The following USP45 variants were observed in gnomAD, a reference collection of about 807,000 sequenced individuals.
USP45 encodes the protein ubiquitin carboxyl-terminal hydrolase 45.
In USP45, 89 loss-of-function variants were observed where a neutral mutation model predicts 95.8. That is an observed-to-expected ratio of 0.93 (90% CI 0.78 to 1.11). The LOEUF (loss-of-function observed/expected upper bound fraction) is 1.11, where lower values mean the gene tolerates loss of function less well. Ranked by LOEUF, USP45 falls within the 50% of genes least tolerant of loss-of-function variation. USP45 has a pLI of 0.00. For synonymous variants in USP45, 281 were observed against 316.2 expected, an observed-to-expected ratio of 0.89 and a Z score of 1.18; for missense variants, 898 against 942.5, an observed-to-expected ratio of 0.95 and a Z score of 0.62.
intron 13 of USP45, among the ~76,000 whole-genome samples, chr6:99,450,024 T>C (rs895399170): frequency 6.6e-6 from 1 of 152,150 alleles, no homozygotes; most frequent in African/African-American, 2.4e-5. Flanking sequence ...GGGACACATT[T>C]AAAGCAGTGT....
At chr6:99,502,622 C>T (rs1309381726) in intron 5 of USP45, among the ~76,000 whole-genome samples, 1 of 152,200 alleles carries the variant, frequency 6.6e-6, no homozygotes, top group Admixed American at 6.5e-5. Flanking sequence ...GTGTCAAGTA[C>T]TGATATGGTT....
intron 1 of USP45, among the ~76,000 whole-genome samples, chr6:99,513,767 A>T (rs760413425): frequency 1.3e-5 from 2 of 152,268 alleles, no homozygotes; most frequent in Non-Finnish European, 2.9e-5. Flanking sequence ...CATTTGGTAC[A>T]GTAACCCAGA....
At chr6:99,516,139 T>A (rs1207148929), upstream of USP45, among the ~76,000 whole-genome samples, 1 of 152,078 alleles carries the variant, frequency 6.6e-6, no homozygotes, top group Non-Finnish European at 1.5e-5. Context: ...CGTCATATAT[T>A]ATTGTGGTTT....
At chr6:99,447,742 GCCT>G (rs1423816378) in intron 13 of USP45, among the ~76,000 whole-genome samples, 5 of 152,286 alleles carry the variant, frequency 3.3e-5, no homozygotes, top group Admixed American at 3.3e-4. Flanking sequence ...CGGACAGACT[GCCT>G]CCTCAAGTGG....
At chr6:99,452,016 T>C (rs1454224088) in intron 13 of USP45, among the ~76,000 whole-genome samples, 5 of 152,142 alleles carry the variant, frequency 3.3e-5, no homozygotes, top group Admixed American at 6.6e-5. Flanking sequence ...TTACACCTTA[T>C]ACAAAAATTA....
At position 99,441,236 on chromosome 6, in the gene USP45, T is replaced by C. The variant is rs563336379; in HGVS notation, c.2074-1381A>G. The stretch of plus-strand genomic sequence containing the variant: ...TAGCTTTGTTCAAAAATTGTTTTGT[T>C]TAAAACATTACTCGGCCGGGCACGG... On this transcript the variant is annotated intron_variant, in intron 15 of 17. Coordinates refer to ENST00000500704, the MANE Select transcript of USP45 (RefSeq NM_001346022.3). 6.6e-5 allele frequency among the ~76,000 whole-genome samples: 10 copies of C among 152,218 alleles called. No individual in the cohort carries two copies. The South Asian group carries it at 2.1e-3, about 32-fold the overall frequency.
In USP45 at chr6:99,446,317, G is replaced by C; in HGVS notation, c.1455C>G (p.Ser485Arg). Reference sequence around the variant, plus strand: ...CTTCTTTTTCACTGTCATCAGTAGGGCTTTCATTCAGACGTGACTCAGAAT... The same window carrying C: ...CTTCTTTTTCACTGTCATCAGTAGGCCTTTCATTCAGACGTGACTCAGAAT... ...LMNSESRLNE[S>R]PTDDSEKEAS... Residue 485 changes from serine to arginine, a missense_variant, in exon 14 of 18, where the codon AGC (serine) becomes AGG (arginine). Coordinates refer to ENST00000500704, the MANE Select transcript of USP45 (RefSeq NM_001346022.3). 1 of 1,614,204 alleles carries C rather than the reference G, an allele frequency of 6.2e-7. No individual in the cohort carries two copies. Among genetic ancestry groups the C allele is most frequent in the Non-Finnish European group, 8.5e-7 (1 of 1,180,042 alleles).
intron 15 of USP45, 55 bp downstream of exon 15, chr6:99,443,510 C>A: frequency 7.9e-7 from 1 of 1,258,968 alleles, no homozygotes; most frequent in Admixed American, 1.9e-5. Flanking sequence ...TTCTATAGGA[C>A]TTAATGCTCT....
At chr6:99,506,205 A>C (rs954777096) in intron 4 of USP45, among the ~76,000 whole-genome samples, 2 of 152,246 alleles carry the variant, frequency 1.3e-5, no homozygotes, top group Non-Finnish European at 2.9e-5. Context: ...AGGAACCCTT[A>C]GGAGTCCATA....
chr6:99,468,706 A>G, intron 9 of USP45, 88 bp from the exon 10 acceptor site: 1 of 796,022 alleles, frequency 1.3e-6, no homozygotes, highest in South Asian at 2.1e-5. Context: ...ACAGCAAGGT[A>G]CACTGTGGAT....
intron 7 of USP45, among the ~76,000 whole-genome samples, chr6:99,485,294 G>A (rs1793610292): frequency 6.6e-6 from 1 of 152,052 alleles, no homozygotes; most frequent in East Asian, 1.9e-4. Context: ...GCAGTGAGCC[G>A]AGATCGTGCC....
At chr6:99,508,436 A>G (rs142704002) in intron 3 of USP45, among the ~76,000 whole-genome samples, 174 bp downstream of exon 3, 5 of 152,336 alleles carry the variant, frequency 3.3e-5, no homozygotes, top group African/African-American at 7.2e-5. Context: ...TTCTGAACAT[A>G]GCATACCTTT....
chr6:99,482,814 T>C lies in USP45; in HGVS notation c.784A>G (p.Met262Val), dbSNP rs181065911. Residue 262 changes from methionine to valine, a missense_variant, in exon 8 of 18, where the codon ATG becomes GTG. Physicochemically the swap from Met to Val is conservative, Grantham distance 21 (BLOSUM62 1). Transcript: ENST00000500704. ...AGTGGTCCTTTTTCAGTCTCCTTCATGCTGTGAAGAAACAGGAACAAGGCT... is the reference window on the plus strand; with the variant it reads ...AGTGGTCCTTTTTCAGTCTCCTTCACGCTGTGAAGAAACAGGAACAAGGCT... ...TSALFLFLHS[M>V]KETEKGPLSP... The C allele has an allele frequency of 1.9e-6, 3 of 1,607,390 alleles. No individual in the cohort carries two copies. Among genetic ancestry groups the C allele is most frequent in the African/African-American group, 2.7e-5 (2 of 74,944 alleles).
Position 99,446,330 on chromosome 6 carries a change from C to A in USP45, c.1442G>T (p.Arg481Leu). ...GTCATCAGTAGGGCTTTCATTCAGA[C>A]GTGACTCAGAATTCATGAGGCTGGC... ...MFASLMNSES[R>L]LNESPTDDSE... The change falls in exon 14 of 18, where the codon CGT (arginine) becomes CTT (leucine). Residue 481 changes from arginine (R) to leucine (L), a missense_variant. Arg to Leu is a moderately radical substitution (Grantham distance 102). Coordinates refer to ENST00000500704, the MANE Select transcript of USP45 (RefSeq NM_001346022.3). The A allele has an allele frequency of 2.5e-6, 4 of 1,614,168 alleles. No individual in the cohort carries two copies. The South Asian group carries it at 3.3e-5, about 13-fold the overall frequency.
intron 15 of USP45, among the ~76,000 whole-genome samples, chr6:99,442,469 A>C (rs989784864): frequency 1.3e-5 from 2 of 152,228 alleles, no homozygotes; most frequent in African/African-American, 2.4e-5. Flanking sequence ...TGTTGCAAAT[A>C]TGTAAACTAT....
At chr6:99,466,111 G>A (rs1350190127) in intron 11 of USP45, among the ~76,000 whole-genome samples, 1 of 152,070 alleles carries the variant, frequency 6.6e-6, no homozygotes, top group Non-Finnish European at 1.5e-5. Flanking sequence ...TGCCTGCTGG[G>A]TTCAAGTGAT....
intron 4 of USP45, among the ~76,000 whole-genome samples, chr6:99,505,057 AAAAAT>A (rs1242982330): frequency 6.6e-6 from 1 of 152,216 alleles, no homozygotes; most frequent in African/African-American, 2.4e-5. Context: ...TAACAGGCTA[AAAAAT>A]AAAATAAGAT....
chr6:99,438,153 T>G lies in USP45; in HGVS notation c.2161-754A>C, dbSNP rs142162631. ...GTCTATAAATTGGGGACTGGTTGAA[T>G]AAACTATGATGCATCCACACAATAG... On this transcript the variant is annotated intron_variant, in intron 16 of 17. Coordinates refer to ENST00000500704, the MANE Select transcript of USP45 (RefSeq NM_001346022.3). Among the ~76,000 whole-genome samples the G allele has an allele frequency of 5.9e-5, 9 of 152,308 alleles. No individual in the cohort carries two copies. The East Asian group carries it at 1.7e-3, about 29-fold the overall frequency.
rs746507751 is a variant in USP45 at position 99,503,871 on chromosome 6, AAAG to A, written c.378-9_378-7del. The A allele has an allele frequency of 1.3e-6, 2 of 1,533,200 alleles. No individual in the cohort carries two copies. Among genetic ancestry groups the A allele is most frequent in the South Asian group, 2.5e-5 (2 of 78,648 alleles). The allele number at this position is 1,533,200 out of a possible 1,614,324, so 95.0% of individuals were successfully genotyped here. ...TTTCATCACATTCATAACACCTGAA[AAAG>A]TATAAAATTTAAGAAAATATTATGA... On this transcript the variant is annotated splice_region_variant and splice_polypyrimidine_tract_variant and intron_variant, in intron 4 of 17. Coordinates refer to ENST00000500704, the MANE Select transcript of USP45 (RefSeq NM_001346022.3).
Sources: allele counts gnomAD v4.1 joint callset (sites outside exome capture counted in the v4.1 genomes callset), GRCh38; gene constraint gnomAD v4.1.1; transcripts MANE v1.5; gene names NCBI Gene and HGNC (gene_info 2026-07-23, HGNC 2026-07-21).